DENND6A: variants seen among roughly 807,000 people sequenced by gnomAD.
DENND6A encodes protein DENND6A.
A neutral mutation model predicts 95.5 loss-of-function variants in DENND6A; 43 were observed. That is an observed-to-expected ratio of 0.45 (90% confidence interval 0.35 to 0.58). The LOEUF is 0.58. DENND6A is among the 20% of genes least tolerant of loss of function. The pLI is 0.00. For synonymous variants in DENND6A, 257 were observed against 260.4 expected, an observed-to-expected ratio of 0.99 and a Z score of 0.13; for missense variants, 574 against 736.0, an observed-to-expected ratio of 0.78 and a Z score of 2.55.
chr3:57,677,419 C>CTTTTTTTTTTTTTTTTTTTTTTTTT (rs71088101), intron 1 of DENND6A, among the ~76,000 whole-genome samples: 1 of 68,708 alleles, frequency 1.5e-5, no homozygotes, highest in Non-Finnish European at 2.5e-5. Flanking sequence ...CTTTGTTGTC[C>CTTTTTTTTTTTTTTTTTTTTTTTTT]TTTTTTTTTT....
chr3:57,691,368 G>C (rs4566508), intron 1 of DENND6A, among the ~76,000 whole-genome samples: 1 of 152,106 alleles, frequency 6.6e-6, no homozygotes, highest in African/African-American at 2.4e-5. Flanking sequence ...AATGCCACTA[G>C]GTGCCAGGCA....
chr3:57,652,180 G>T (rs2071223897), intron 9 of DENND6A, among the ~76,000 whole-genome samples: 1 of 152,170 alleles, frequency 6.6e-6, no homozygotes, highest in South Asian at 2.1e-4. Flanking sequence ...AACAGAATAC[G>T]GTAGAAATGA....
At position 57,634,696 on chromosome 3, in the gene DENND6A, G is replaced by C. The variant is rs372464234; in HGVS notation, c.1198+8C>G. ...AATATATATTTAAAAATCAATAAAA[G>C]TCAATACCAGGTTTGGAATCCAGAG... On this transcript the variant is annotated splice_region_variant and intron_variant, in intron 13 of 19. Coordinates refer to ENST00000311128, the MANE Select transcript of DENND6A (RefSeq NM_152678.3). 1 of 1,535,222 alleles carries C rather than the reference G, an allele frequency of 6.5e-7. No individual in the cohort carries two copies. Among genetic ancestry groups the C allele is most frequent in the Non-Finnish European group, 8.8e-7 (1 of 1,141,150 alleles).
chr3:57,670,785 G>A (rs571222868), intron 3 of DENND6A, among the ~76,000 whole-genome samples: 1 of 152,298 alleles, frequency 6.6e-6, no homozygotes, highest in South Asian at 2.1e-4. Context: ...GCTATGATCT[G>A]AAAGAGAAGA....
chr3:57,653,207 A>C (rs1256612151), intron 9 of DENND6A, among the ~76,000 whole-genome samples: 2 of 152,136 alleles, frequency 1.3e-5, no homozygotes, highest in Non-Finnish European at 2.9e-5. Flanking sequence ...CCTACATGAA[A>C]ACATCTCACC....
chr3:57,670,649 T>C (rs548857719), intron 3 of DENND6A, among the ~76,000 whole-genome samples: 1 of 152,226 alleles, frequency 6.6e-6, no homozygotes, highest in African/African-American at 2.4e-5. Flanking sequence ...TTGCATCTGC[T>C]GTTTCTCAGT....
At chr3:57,646,566 AC>A in intron 9 of DENND6A, 128 bp from the exon 10 acceptor site, 1 of 1,288,606 alleles carries the variant, frequency 7.8e-7, no homozygotes, top group South Asian at 1.7e-5. Context: ...CTGATCTGAT[AC>A]ACAAATTCAT....
At chr3:57,679,177 T>C (rs1404916311) in intron 1 of DENND6A, among the ~76,000 whole-genome samples, 4 of 152,222 alleles carry the variant, frequency 2.6e-5, no homozygotes, top group African/African-American at 9.6e-5. Context: ...AGCAGACTAA[T>C]ACAGATGGTT....
intron 1 of DENND6A, among the ~76,000 whole-genome samples, chr3:57,688,447 C>T (rs1422200746): frequency 1.3e-5 from 2 of 152,088 alleles, no homozygotes; most frequent in Non-Finnish European, 2.9e-5. Context: ...ACTGCTACTG[C>T]TAGCGAAACC....
At chr3:57,641,029 T>C (rs1158388738) in intron 12 of DENND6A, among the ~76,000 whole-genome samples, 3 of 151,692 alleles carry the variant, frequency 2.0e-5, no homozygotes, top group African/African-American at 7.3e-5. Flanking sequence ...TTTTGAGACC[T>C]AGCTGTGTAT....
chr3:57,673,213 C>CAAA lies in DENND6A; in HGVS notation c.238-778_238-776dup, dbSNP rs386396751. 5.4e-3 allele frequency among the ~76,000 whole-genome samples: 379 copies of CAAA among 70,548 alleles called. 8 individuals carry two copies. The highest frequency in any genetic ancestry group is 0.014 in the East Asian group (36 of 2,494). 46.3% of individuals were successfully genotyped at this position (70,548 alleles called of 152,430 possible). A position where few individuals can be genotyped will look rare whatever the true frequency, so the allele number is the denominator to read the frequency against. ...TGGGCGACAGAATGACATTTCGTAT[C>CAAA]AAAAAAAAAAAAAAAAAAAGAAAGA... is the stretch of plus-strand genomic sequence containing the variant. On this transcript the variant is annotated intron_variant, in intron 1 of 19. Coordinates refer to ENST00000311128, the MANE Select transcript of DENND6A (RefSeq NM_152678.3).
Position 57,662,463 on chromosome 3 carries a change from G to A in DENND6A, c.514-912C>T, listed in dbSNP as rs992727799. ...AGCAATCTGCCCACCTTGTCCTCCCGAAGTGTTGGGATTACAAGTGTAAGC... is the reference window on the plus strand; with the variant it reads ...AGCAATCTGCCCACCTTGTCCTCCCAAAGTGTTGGGATTACAAGTGTAAGC... On this transcript the variant is annotated intron_variant, in intron 5 of 19. Transcript: ENST00000311128. 6.6e-5 allele frequency among the ~76,000 whole-genome samples: 10 copies of A among 151,910 alleles called. No individual in the cohort carries two copies. The East Asian group carries it at 1.2e-3, about 18-fold the overall frequency.
chr3:57,692,911 T>C lies in DENND6A; in HGVS notation c.108A>G (p.Gly36=), dbSNP rs61737717. Residue 36 remains glycine (G), a synonymous_variant, in exon 1 of 20, where the codon GGA becomes GGG. Coordinates refer to ENST00000311128, the MANE Select transcript of DENND6A (RefSeq NM_152678.3). ...GREAPALVAA[G]GAPEDDEEDD... The stretch of plus-strand genomic sequence containing the variant: ...CCTCTTCATCGTCCTCTGGCGCGCC[T>C]CCCGCCGCCACAAGGGCCGGCGCCT... 0.014 allele frequency: 22,197 copies of C among 1,547,978 alleles called. 2,618 individuals are homozygous for C. In the African/African-American group the frequency reaches 0.26, roughly 18 times the overall value.
intron 5 of DENND6A, among the ~76,000 whole-genome samples, chr3:57,661,992 T>C (rs555182733): frequency 2.0e-5 from 3 of 152,238 alleles, no homozygotes; most frequent in East Asian, 3.9e-4. Flanking sequence ...ACCTTATGGT[T>C]TGATCATTTC....
Position 57,628,171 on chromosome 3 carries a change from T to A in DENND6A, c.*43A>T, listed in dbSNP as rs1418265705. 6.3e-7 allele frequency: 1 copy of A among 1,593,472 alleles called. No individual in the cohort carries two copies. Among genetic ancestry groups the A allele is most frequent in the African/African-American group, 1.3e-5 (1 of 74,470 alleles). On this transcript the variant is annotated 3_prime_UTR_variant, in exon 20 of 20. Transcript: ENST00000311128. ...CGTCTGGTTGAAATGTCAGTATGCT[T>A]CATGATGCATAATCCTTTTTGGCTG...
At chr3:57,657,440 T>C (rs751966317) in intron 9 of DENND6A, among the ~76,000 whole-genome samples, 11 of 152,178 alleles carry the variant, frequency 7.2e-5, no homozygotes, top group Non-Finnish European at 1.3e-4. Flanking sequence ...ACAATATAAT[T>C]CTCACACTAA....
chr3:57,642,239 A>T (rs1468631486), intron 11 of DENND6A, among the ~76,000 whole-genome samples: 1 of 146,280 alleles, frequency 6.8e-6, no homozygotes, highest in Non-Finnish European at 1.5e-5. Context: ...GCTTGAAACC[A>T]GGAGGCGGAG....
At chr3:57,634,439 A>C in intron 14 of DENND6A, 119 bp downstream of exon 14, 1 of 459,030 alleles carries the variant, frequency 2.2e-6, no homozygotes. Context: ...TCTCCCAAAA[A>C]AAAAAAAAAA....
At chr3:57,633,185 T>A in intron 15 of DENND6A, 80 bp downstream of exon 15, 1 of 1,197,144 alleles carries the variant, frequency 8.4e-7, no homozygotes, top group Non-Finnish European at 1.2e-6. Context: ...ACTTAAGATA[T>A]GGTTTTGGAG....
Sources: allele counts gnomAD v4.1 joint callset (sites outside exome capture counted in the v4.1 genomes callset), GRCh38; gene constraint gnomAD v4.1.1; transcripts MANE v1.5; gene names NCBI Gene and HGNC (gene_info 2026-07-23, HGNC 2026-07-21).